SLC26A8: variants seen among roughly 807,000 people sequenced by gnomAD.
SLC26A8 encodes the protein solute carrier family 26 member 8, also known as testis anion transporter 1.
Under a neutral mutation model 105.0 loss-of-function variants are expected in SLC26A8, and 70 were observed. That is an observed-to-expected ratio of 0.67 (90% CI 0.55 to 0.81). The LOEUF (loss-of-function observed/expected upper bound fraction) is 0.81, where lower values mean the gene tolerates loss of function less well. Among genes scored for constraint, SLC26A8 ranks in the 40% least tolerant of loss-of-function variants. SLC26A8 has a pLI of 0.00. For missense variants in SLC26A8, 998 were observed against 1,181.8 expected (o/e 0.84, Z 2.28); for synonymous variants, 415 against 438.3 (o/e 0.95, Z 0.66).
In SLC26A8 at chr6:35,997,780, C is replaced by G. The variant is rs1761396243; in HGVS notation, c.585G>C (p.Leu195Phe). 4.3e-6 allele frequency: 7 copies of G among 1,614,104 alleles called. No individual in the cohort carries two copies. Among genetic ancestry groups the G allele is most frequent in the South Asian group, 3.3e-5 (3 of 91,076 alleles). The stretch of plus-strand genomic sequence containing the variant: ...GAAAAGTTGTGGTTGCCACCACACT[C>G]AAGGATTTATTATAGCCCATAAGGT... ...PSYLMGYNKS[L>F]SVVATTTFLT... The change falls in exon 5 of 20, where the codon TTG (leucine) becomes TTC (phenylalanine). Residue 195 changes from leucine (L) to phenylalanine (F), a missense_variant. Physicochemically the swap from Leu to Phe is conservative, Grantham distance 22. Transcript: ENST00000490799.
Position 35,948,512 on chromosome 6 carries a change from C to T in SLC26A8, c.2472+2651G>A, listed in dbSNP as rs543076358. ...GCTGAGGCAGGACAATCACGTGAAC[C>T]TGGGAGGCGGAGGTTGCAGTGAGCC... On this transcript the variant is annotated intron_variant, in intron 19 of 19. Transcript: ENST00000490799. Among the ~76,000 whole-genome samples the T allele has an allele frequency of 8.5e-5, 13 of 152,238 alleles. No homozygotes were observed. The East Asian group carries it at 2.3e-3, about 27-fold the overall frequency.
intron 1 of SLC26A8, among the ~76,000 whole-genome samples, chr6:36,021,328 C>T (rs1050440574): frequency 2.6e-5 from 4 of 151,820 alleles, no homozygotes; most frequent in African/African-American, 9.7e-5. Flanking sequence ...AGGAATCCCC[C>T]CCCACCTTTC....
intron 7 of SLC26A8, among the ~76,000 whole-genome samples, chr6:35,985,713 A>G (rs1368255391): frequency 6.7e-6 from 1 of 149,118 alleles, no homozygotes; most frequent in South Asian, 2.1e-4. Context: ...AAAAAAAAAA[A>G]AAAAAAAAGA....
chr6:35,974,678 T>A (rs1312016506), intron 10 of SLC26A8, among the ~76,000 whole-genome samples: 3 of 152,210 alleles, frequency 2.0e-5, no homozygotes, highest in African/African-American at 7.2e-5. Context: ...GGTGTGAGAA[T>A]GCATCTTCCC....
intron 7 of SLC26A8, among the ~76,000 whole-genome samples, chr6:35,983,966 G>A (rs1183452855): frequency 1.3e-5 from 2 of 152,050 alleles, no homozygotes; most frequent in East Asian, 1.9e-4. Flanking sequence ...ACCCTAGACC[G>A]TGGGCGCCTC....
intron 6 of SLC26A8, 110 bp from the exon 7 acceptor site, chr6:35,991,918 G>A (rs1761177609): frequency 9.0e-7 from 1 of 1,111,624 alleles, no homozygotes; most frequent in Non-Finnish European, 1.2e-6. Context: ...TAGAGTTTCT[G>A]GGTACAAAGG....
At chr6:35,994,577 CTT>C (rs35718010) in intron 5 of SLC26A8, among the ~76,000 whole-genome samples, 15 of 131,976 alleles carry the variant, frequency 1.1e-4, no homozygotes, top group Admixed American at 1.6e-4. Context: ...TGCATCATCT[CTT>C]TTTTTTTTTT....
chr6:35,972,768 T>C lies in SLC26A8; in HGVS notation c.1287+2607A>G, dbSNP rs187818311. The stretch of plus-strand genomic sequence containing the variant: ...GCTACCTTTGAGGCAGACCTTCTGT[T>C]CAACAGGCTAAAATGCTAAAAATGG... On this transcript the variant is annotated intron_variant, in intron 10 of 19. Transcript: ENST00000490799. Among the ~76,000 whole-genome samples the C allele has an allele frequency of 8.3e-4, 127 of 152,352 alleles. 2 individuals carry two copies. The highest frequency in any genetic ancestry group is 2.9e-3 in the African/African-American group (121 of 41,582).
chr6:35,993,905 C>G (rs986725926), intron 5 of SLC26A8, among the ~76,000 whole-genome samples: 3 of 152,010 alleles, frequency 2.0e-5, no homozygotes, highest in Non-Finnish European at 4.4e-5. Flanking sequence ...GTTAAGAAAA[C>G]TGGCACAGCC....
chr6:36,024,571 G>A lies in SLC26A8; in HGVS notation c.-70C>T. 1 of 374,532 alleles carries A rather than the reference G, an allele frequency of 2.7e-6. No homozygotes were observed. Among genetic ancestry groups the A allele is most frequent in the East Asian group, 7.9e-5 (1 of 12,696 alleles). 23.2% of individuals were successfully genotyped at this position (374,532 alleles called of 1,614,324 possible). On this transcript the variant is annotated 5_prime_UTR_variant, in exon 1 of 20. Transcript: ENST00000490799. Reference sequence around the variant, plus strand: ...ACACGGCTCTCGCCTGGCTGGCGGCGCTGCGGACGCGGATACCGGCGGCGG... The same window carrying A: ...ACACGGCTCTCGCCTGGCTGGCGGCACTGCGGACGCGGATACCGGCGGCGG...
At chr6:35,960,757 G>A in intron 14 of SLC26A8, 86 bp downstream of exon 14, 4 of 1,294,800 alleles carry the variant, frequency 3.1e-6, no homozygotes, top group Non-Finnish European at 4.4e-6. Context: ...GGAAACAATG[G>A]CAAGGGATTT....
At chr6:35,967,818 T>C (rs1037436257) in intron 11 of SLC26A8, among the ~76,000 whole-genome samples, 1 of 152,186 alleles carries the variant, frequency 6.6e-6, no homozygotes, top group Non-Finnish European at 1.5e-5. Flanking sequence ...GCTTAAGCAA[T>C]AAAAAGAAGA....
At chr6:35,961,168 G>C in intron 12 of SLC26A8, 69 bp from the exon 13 acceptor site, 1 of 1,243,778 alleles carries the variant, frequency 8.0e-7, no homozygotes, top group South Asian at 1.3e-5. Context: ...GATCAGTCCT[G>C]TTTCTCAACT....
chr6:35,982,229 T>G (rs2127332645), intron 7 of SLC26A8, 26 bp from the exon 8 acceptor site: 1 of 1,563,508 alleles, frequency 6.4e-7, no homozygotes, highest in Non-Finnish European at 8.8e-7. Flanking sequence ...AAAGAAGGGA[T>G]GGGGGCATAT....
chr6:35,972,053 G>T (rs1365783373), intron 10 of SLC26A8, among the ~76,000 whole-genome samples: 3 of 152,242 alleles, frequency 2.0e-5, no homozygotes, highest in African/African-American at 4.8e-5. Flanking sequence ...AGTAGGTTTT[G>T]CTGCAGCCAC....
chr6:35,997,946 G>A, intron 4 of SLC26A8, 27 bp from the exon 5 acceptor site: 1 of 1,605,904 alleles, frequency 6.2e-7, no homozygotes, highest in Non-Finnish European at 8.5e-7. Flanking sequence ...TAGGTAGAAG[G>A]TGAAGTTTCA....
intron 8 of SLC26A8, among the ~76,000 whole-genome samples, chr6:35,980,939 GA>G (rs1176974992): frequency 6.6e-6 from 1 of 152,104 alleles, no homozygotes; most frequent in African/African-American, 2.4e-5. Context: ...TTGAACCCGG[GA>G]GGTGGAGGTT....
intron 2 of SLC26A8, 133 bp from the exon 3 acceptor site, chr6:36,012,505 G>C: frequency 1.0e-6 from 1 of 983,744 alleles, no homozygotes; most frequent in Non-Finnish European, 1.4e-6. Flanking sequence ...TTGACATATT[G>C]GACCAGATAA....
intron 10 of SLC26A8, among the ~76,000 whole-genome samples, chr6:35,974,348 C>G (rs1032379621): frequency 2.0e-5 from 3 of 152,084 alleles, no homozygotes. Context: ...AAACAAAACT[C>G]ATGAACATTA....
Sources: allele counts gnomAD v4.1 joint callset (sites outside exome capture counted in the v4.1 genomes callset), GRCh38; gene constraint gnomAD v4.1.1; transcripts MANE v1.5; gene names NCBI Gene and HGNC (gene_info 2026-07-23, HGNC 2026-07-21).